The following VAV2 variants were observed in gnomAD, a reference collection of about 807,000 sequenced individuals.
The protein encoded by VAV2 is guanine nucleotide exchange factor VAV2.
In VAV2, 67 loss-of-function variants were observed where a neutral mutation model predicts 132.5. The observed-to-expected ratio is 0.51, with a 90% CI of 0.42 to 0.62. The LOEUF is 0.62. Ranked by LOEUF, VAV2 falls within the 20% of genes least tolerant of loss-of-function variation. The pLI is 0.00. For synonymous variants in VAV2, 492 were observed against 443.5 expected, an observed-to-expected ratio of 1.11 and a Z score of -1.37; for missense variants, 938 against 1,153.6, an observed-to-expected ratio of 0.81 and a Z score of 2.71.
chr9:133,770,951 A>G (rs1355636754), intron 26 of VAV2, among the ~76,000 whole-genome samples: 3 of 152,132 alleles, frequency 2.0e-5, no homozygotes, highest in African/African-American at 7.2e-5. Context: ...TTATTTATAT[A>G]ATAGAAACCA....
intron 1 of VAV2, among the ~76,000 whole-genome samples, chr9:133,967,840 G>A (rs1256802753): frequency 6.7e-6 from 1 of 148,184 alleles, no homozygotes. Flanking sequence ...GGCTGAGGCA[G>A]GAGAATGGCT....
intron 4 of VAV2, among the ~76,000 whole-genome samples, chr9:133,829,331 C>T (rs1210618497): frequency 1.3e-5 from 2 of 152,242 alleles, no homozygotes; most frequent in Non-Finnish European, 2.9e-5. Flanking sequence ...CAAAAGCGAG[C>T]TTAGAGCACT....
At chr9:133,914,055 G>A (rs1389463193) in intron 2 of VAV2, among the ~76,000 whole-genome samples, 1 of 152,206 alleles carries the variant, frequency 6.6e-6, no homozygotes, top group Admixed American at 6.5e-5. Flanking sequence ...AACCAAAGAC[G>A]ATGCTCACCG....
chr9:133,933,730 G>GGATGAGTGGA (rs149852975), intron 2 of VAV2, among the ~76,000 whole-genome samples: 1 of 132,582 alleles, frequency 7.5e-6, no homozygotes, highest in African/African-American at 3.0e-5. Context: ...TGGATGGATG[G>GGATGAGTGGA]TGGATGAATG....
intron 13 of VAV2, among the ~76,000 whole-genome samples, chr9:133,789,779 G>A (rs1215103617): frequency 1.3e-5 from 2 of 152,232 alleles, no homozygotes; most frequent in Non-Finnish European, 2.9e-5. Flanking sequence ...GTGAGGCTTC[G>A]ACTCAGACCC....
intron 2 of VAV2, among the ~76,000 whole-genome samples, chr9:133,888,683 G>A (rs987304108): frequency 6.6e-6 from 1 of 152,170 alleles, no homozygotes; most frequent in Non-Finnish European, 1.5e-5. Context: ...CCCCAAACAG[G>A]GTCAGAGCTA....
At chr9:133,842,484 T>A (rs1271793479) in intron 3 of VAV2, among the ~76,000 whole-genome samples, 1 of 152,234 alleles carries the variant, frequency 6.6e-6, no homozygotes, top group Non-Finnish European at 1.5e-5. Flanking sequence ...TGACATCTAC[T>A]GTCCGGGTTT....
intron 2 of VAV2, among the ~76,000 whole-genome samples, chr9:133,917,911 G>T (rs1014537991): frequency 6.9e-6 from 1 of 144,148 alleles, no homozygotes; most frequent in African/African-American, 2.6e-5. Context: ...CCCCCGCCCT[G>T]GTCCCCCCAC....
intron 13 of VAV2, among the ~76,000 whole-genome samples, chr9:133,791,312 C>G (rs1834450222): frequency 6.6e-6 from 1 of 152,032 alleles, no homozygotes; most frequent in Admixed American, 6.5e-5. Context: ...GTCCGAGGAG[C>G]AGAGGCGACT....
chr9:133,856,551 C>G (rs1370172958), intron 3 of VAV2, among the ~76,000 whole-genome samples: 1 of 152,194 alleles, frequency 6.6e-6, no homozygotes. Flanking sequence ...TTCAGACAGC[C>G]TCCCAGCCAA....
At position 133,915,845 on chromosome 9, in the gene VAV2, G is replaced by A. The variant is rs188357748; in HGVS notation, c.321+23258C>T. Among the ~76,000 whole-genome samples the A allele has an allele frequency of 2.3e-3, 308 of 134,368 alleles. 1 individual carries two copies. The highest frequency in any genetic ancestry group is 8.6e-3 in the African/African-American group (301 of 34,894). The allele number at this position is 134,368 out of a possible 152,430, so 88.2% of individuals were successfully genotyped here. A position where few individuals can be genotyped will look rare whatever the true frequency, so the allele number is the denominator to read the frequency against. ...ACACACGCACACGTGCACACACAAC[G>A]CACACACACACGATGTACATGTACA... On this transcript the variant is annotated intron_variant, in intron 2 of 29. Coordinates refer to ENST00000371850, the MANE Select transcript of VAV2 (RefSeq NM_001134398.2).
chr9:133,955,474 C>T lies in VAV2; in HGVS notation c.205-16255G>A, dbSNP rs1383116491. The stretch of plus-strand genomic sequence containing the variant: ...CTCCCCACTCCCCCTGCCATGCTGC[C>T]CCAACTCTCCCCATGCTCCTCAGTC... On this transcript the variant is annotated intron_variant, in intron 1 of 29. Coordinates refer to ENST00000371850, the MANE Select transcript of VAV2 (RefSeq NM_001134398.2). 3.7e-3 allele frequency among the ~76,000 whole-genome samples: 377 copies of T among 102,066 alleles called. 1 individual carries two copies. Among genetic ancestry groups the T allele is most frequent in the Non-Finnish European group, 6.2e-3 (308 of 49,616 alleles). The allele number at this position is 102,066 out of a possible 152,430, so 67.0% of individuals were successfully genotyped here. A position where few individuals can be genotyped will look rare whatever the true frequency, so the allele number is the denominator to read the frequency against.
At chr9:133,970,788 A>C (rs1230381193) in intron 1 of VAV2, among the ~76,000 whole-genome samples, 2 of 152,216 alleles carry the variant, frequency 1.3e-5, no homozygotes, top group Non-Finnish European at 2.9e-5. Flanking sequence ...TCTGCAGGGC[A>C]GCCCTGAACT....
At chr9:133,934,697 C>T (rs2132120699) in intron 2 of VAV2, among the ~76,000 whole-genome samples, 1 of 152,348 alleles carries the variant, frequency 6.6e-6, no homozygotes, top group Non-Finnish European at 1.5e-5. Flanking sequence ...CCATTGCTTC[C>T]CTGGTTCTGA....
chr9:133,947,523 A>C (rs568419292), intron 1 of VAV2, among the ~76,000 whole-genome samples: 84 of 152,140 alleles, frequency 5.5e-4, no homozygotes, highest in South Asian at 1.7e-3. Flanking sequence ...AACATGGTGA[A>C]ACCTCGTCTC....
intron 1 of VAV2, among the ~76,000 whole-genome samples, chr9:133,968,152 G>A (rs1016859839): frequency 3.9e-5 from 6 of 152,064 alleles, no homozygotes; most frequent in Non-Finnish European, 7.4e-5. Flanking sequence ...GAGGATTACA[G>A]TTAACGATAA....
intron 1 of VAV2, among the ~76,000 whole-genome samples, chr9:133,952,192 A>T (rs535339206): frequency 1.9e-4 from 29 of 152,256 alleles, no homozygotes; most frequent in Non-Finnish European, 3.5e-4. Flanking sequence ...TTCAGTCCAT[A>T]ACAGCAAGTG....
At chr9:133,853,465 T>C (rs1270591947) in intron 3 of VAV2, among the ~76,000 whole-genome samples, 1 of 152,118 alleles carries the variant, frequency 6.6e-6, no homozygotes, top group African/African-American at 2.4e-5. Context: ...TGACGCTTGC[T>C]TGTCCCCTCT....
chr9:133,772,046 C>T lies in VAV2; in HGVS notation c.2136G>A (p.Lys712=). 1 of 1,112,110 alleles carries T rather than the reference C, an allele frequency of 9.0e-7. No individual in the cohort carries two copies. The highest frequency in any genetic ancestry group is 1.2e-6 in the Non-Finnish European group (1 of 807,196). 68.9% of individuals were successfully genotyped at this position (1,112,110 alleles called of 1,614,324 possible). The part of the protein sequence containing the change: ...AEAERFAISI[K]FNDEVKHIKV... ...TGATGTGCTTCACCTCATCATTGAA[C>T]CTGAGCAAACACACGGCCCCGGCGG... The change falls in exon 26 of 30, where the codon AAG becomes AAA. Residue 712 remains lysine (K), a splice_region_variant and synonymous_variant. Transcript: ENST00000371850.
Sources: gnomAD v4.1 joint callset for allele counts (sites outside exome capture counted in the v4.1 genomes callset) on GRCh38, gnomAD v4.1.1 for gene constraint, MANE v1.5 for transcripts, NCBI Gene and HGNC (gene_info 2026-07-23, HGNC 2026-07-21) for gene names.